Variants in IKZF2 observed in about 807,000 individuals in gnomAD.
The protein encoded by IKZF2 is IKAROS family zinc finger 2.
IKZF2 carries 15 observed loss-of-function variants against 49.2 expected under a neutral mutation model. The ratio of observed to expected loss-of-function variants is 0.30; its 90% confidence interval spans 0.20 to 0.47. The LOEUF (loss-of-function observed/expected upper bound fraction) is 0.47, where lower values mean the gene tolerates loss of function less well. Among genes scored for constraint, IKZF2 ranks in the 20% least tolerant of loss-of-function variants. The pLI is 1.00. For missense variants in IKZF2, 567 were observed against 664.6 expected, an observed-to-expected ratio of 0.85 and a Z score of 1.61; for synonymous variants, 227 against 221.4, an observed-to-expected ratio of 1.03 and a Z score of -0.23.
chr2:213,096,493 ATAAAG>A (rs1386917148), intron 4 of IKZF2, among the ~76,000 whole-genome samples: 3 of 151,970 alleles, frequency 2.0e-5, no homozygotes, highest in African/African-American at 7.2e-5. Context: ...ATAATATACT[ATAAAG>A]TATTTACCTC....
chr2:213,104,163 C>T lies in IKZF2; in HGVS notation c.139+43545G>A, dbSNP rs115390468. ...GTACAGTTAAAACAGAATGTGTTAACCTGTCTTCTGAGGTTACCGCACAAG... is the reference window on the plus strand; with the variant it reads ...GTACAGTTAAAACAGAATGTGTTAATCTGTCTTCTGAGGTTACCGCACAAG... On this transcript the variant is annotated intron_variant, in intron 4 of 8. Coordinates refer to ENST00000434687, the MANE Select transcript of IKZF2 (RefSeq NM_001387220.1). 5.2e-3 allele frequency among the ~76,000 whole-genome samples: 791 copies of T among 151,902 alleles called. 9 individuals are homozygous for T. Among genetic ancestry groups the T allele is most frequent in the African/African-American group, 0.018 (748 of 41,406 alleles).
intron 4 of IKZF2, among the ~76,000 whole-genome samples, chr2:213,115,784 C>T (rs1042432523): frequency 3.9e-5 from 6 of 152,234 alleles, no homozygotes; most frequent in East Asian, 1.9e-4. Context: ...AAATGCTAAA[C>T]ACCAAATGTC....
At position 213,001,965 on chromosome 2, in the gene IKZF2, G is replaced by A. The variant is rs533743697; in HGVS notation, c.*5395C>T. On this transcript the variant is annotated 3_prime_UTR_variant, in exon 9 of 9. Transcript: ENST00000434687. ...TCATTTTTTAAAAAATCAATTTCCA[G>A]TAAATTAAAGTAAGTAAAATCTTGG... 4.0e-5 allele frequency: 6 copies of A among 151,628 alleles called. No individual in the cohort carries two copies. The South Asian group carries it at 1.2e-3, about 31-fold the overall frequency. 9.4% of individuals were successfully genotyped at this position (151,628 alleles called of 1,614,324 possible).
rs916880992 is a variant in IKZF2 at position 213,002,046 on chromosome 2, T to C, written c.*5314A>G. 1 of 151,488 alleles carries C rather than the reference T, an allele frequency of 6.6e-6. No homozygotes were observed. The allele number at this position is 151,488 out of a possible 1,614,324, so 9.4% of individuals were successfully genotyped here. On this transcript the variant is annotated 3_prime_UTR_variant, in exon 9 of 9. Transcript: ENST00000434687. ...CACCTGCTCAAGAAGCTTTTCTTAC[T>C]ATCTGTCACTTGAGGTAATTTGAAG...
intron 4 of IKZF2, among the ~76,000 whole-genome samples, chr2:213,139,439 T>C (rs987094182): frequency 6.6e-6 from 1 of 151,972 alleles, no homozygotes; most frequent in Admixed American, 6.6e-5. Context: ...ACTCCCTTTA[T>C]TCAGATTCCT....
rs1695293137 is a variant in IKZF2, at chr2:213,005,777, T to C, written c.*1583A>G. On this transcript the variant is annotated 3_prime_UTR_variant, in exon 9 of 9. Coordinates refer to ENST00000434687, the MANE Select transcript of IKZF2 (RefSeq NM_001387220.1). Reference sequence around the variant, plus strand: ...TCAATATCACTCGGTTCCTCCCCTCTAATGTGGCTGGACTGCAAAGAAAAA... The same window carrying C: ...TCAATATCACTCGGTTCCTCCCCTCCAATGTGGCTGGACTGCAAAGAAAAA... The C allele has an allele frequency of 6.6e-6, 1 of 152,008 alleles. No individual in the cohort carries two copies. 9.4% of individuals were successfully genotyped at this position (152,008 alleles called of 1,614,324 possible). A position where few individuals can be genotyped will look rare whatever the true frequency, so the allele number is the denominator to read the frequency against.
chr2:213,125,473 A>G (rs1008575222), intron 4 of IKZF2, among the ~76,000 whole-genome samples: 1 of 152,204 alleles, frequency 6.6e-6, no homozygotes, highest in Non-Finnish European at 1.5e-5. Context: ...CCCCATTCAG[A>G]TGAACCAAAA....
chr2:213,102,409 A>T (rs1445090490), intron 4 of IKZF2, among the ~76,000 whole-genome samples: 14 of 152,310 alleles, frequency 9.2e-5, no homozygotes, highest in Admixed American at 2.6e-4. Flanking sequence ...GTATAGTACC[A>T]TACAGGACTT....
Position 213,000,639 on chromosome 2 carries a change from TCTTA to T in IKZF2, c.*6717_*6720del, listed in dbSNP as rs1255722309. The T allele has an allele frequency of 6.6e-6, 1 of 151,080 alleles. No homozygotes were observed. Among genetic ancestry groups the T allele is most frequent in the East Asian group, 2.0e-4 (1 of 5,106 alleles). The allele number at this position is 151,080 out of a possible 1,614,324, so 9.4% of individuals were successfully genotyped here. ...TATAAATATGTATAAGAAAAATACC[TCTTA>T]CTTAAATTTGTATGAAAACAGGACT... On this transcript the variant is annotated 3_prime_UTR_variant, in exon 9 of 9. Transcript: ENST00000434687.
chr2:213,091,036 G>C (rs137966343), intron 4 of IKZF2, among the ~76,000 whole-genome samples: 69 of 152,226 alleles, frequency 4.5e-4, no homozygotes, highest in Admixed American at 3.4e-3. Flanking sequence ...GGACACTACA[G>C]CAAGAACATT....
chr2:213,009,862 T>C (rs974877099), intron 8 of IKZF2, among the ~76,000 whole-genome samples: 1 of 151,690 alleles, frequency 6.6e-6, no homozygotes, highest in African/African-American at 2.4e-5. Context: ...TGAGGTGGAG[T>C]AGCTGGTAGA....
At chr2:213,085,087 A>G (rs1335711736) in intron 4 of IKZF2, among the ~76,000 whole-genome samples, 1 of 152,206 alleles carries the variant, frequency 6.6e-6, no homozygotes, top group African/African-American at 2.4e-5. Context: ...CTGGCACACA[A>G]TAATGTTCAA....
At chr2:213,034,887 A>G (rs182462452) in intron 6 of IKZF2, among the ~76,000 whole-genome samples, 3 of 152,340 alleles carry the variant, frequency 2.0e-5, no homozygotes, top group Admixed American at 6.5e-5. Flanking sequence ...AGTAAGGCAC[A>G]ATAAAGGAAG....
At chr2:213,094,210 A>C (rs564935777) in intron 4 of IKZF2, among the ~76,000 whole-genome samples, 2 of 152,258 alleles carry the variant, frequency 1.3e-5, no homozygotes, top group South Asian at 4.1e-4. Flanking sequence ...GGGGAGTGAT[A>C]AAATTAGGGA....
intron 6 of IKZF2, among the ~76,000 whole-genome samples, chr2:213,034,852 C>T (rs921688479): frequency 2.0e-5 from 3 of 152,102 alleles, no homozygotes; most frequent in Non-Finnish European, 2.9e-5. Context: ...TTGTAAAAAA[C>T]GCAGTTATCT....
chr2:213,007,814 T>G lies in IKZF2; in HGVS notation c.1127A>C (p.His376Pro). ...RPISRETADS[H>P]ENNMDGPISL... Reference sequence around the variant, plus strand: ...GATGGGGCCATCCATGTTGTTTTCATGACTATCAGCAGTTTCCCTGCTAAT... The same window carrying G: ...GATGGGGCCATCCATGTTGTTTTCAGGACTATCAGCAGTTTCCCTGCTAAT... The change falls in exon 9 of 9, where the codon CAT becomes CCT. Residue 376 changes from histidine to proline, a missense_variant. His to Pro is a moderately conservative substitution (Grantham distance 77). Coordinates refer to ENST00000434687, the MANE Select transcript of IKZF2 (RefSeq NM_001387220.1). The G allele has an allele frequency of 6.2e-7, 1 of 1,613,706 alleles. No individual in the cohort carries two copies. The highest frequency in any genetic ancestry group is 8.5e-7 in the Non-Finnish European group (1 of 1,179,766).
chr2:213,121,914 T>G (rs890445697), intron 4 of IKZF2, among the ~76,000 whole-genome samples: 2 of 152,196 alleles, frequency 1.3e-5, no homozygotes, highest in Admixed American at 1.3e-4. Flanking sequence ...GTGTCTATTT[T>G]GTGTCAACAG....
intron 4 of IKZF2, among the ~76,000 whole-genome samples, chr2:213,127,172 T>C (rs13006090): frequency 6.6e-6 from 1 of 152,224 alleles, no homozygotes; most frequent in Non-Finnish European, 1.5e-5. Flanking sequence ...AATTTTCTTA[T>C]TATTCATTAG....
At chr2:213,124,236 GCGCTCGCGCGCGCGCGCACACACACACA>G (rs1559303939) in intron 4 of IKZF2, among the ~76,000 whole-genome samples, 14 of 84,660 alleles carry the variant, frequency 1.7e-4, no homozygotes, top group African/African-American at 6.8e-4. Flanking sequence ...ACGCACACAT[GCGCTCGCGCGCGCGCGCACACACACACA>G]CACACACACA....
Sources: allele counts gnomAD v4.1 joint callset (sites outside exome capture counted in the v4.1 genomes callset), GRCh38; gene constraint gnomAD v4.1.1; transcripts MANE v1.5; gene names NCBI Gene and HGNC (gene_info 2026-07-23, HGNC 2026-07-21).